The following PKP4 variants were observed in gnomAD, a reference collection of about 807,000 sequenced individuals.
PKP4 encodes plakophilin 4, also known as plakophilin-4.
A neutral mutation model predicts 145.1 loss-of-function variants in PKP4; 90 were observed. The observed-to-expected ratio is 0.62, with a 90% CI of 0.52 to 0.74. PKP4 has a LOEUF of 0.74. Ranked by LOEUF, PKP4 falls within the 30% of genes least tolerant of loss-of-function variation. The pLI is 0.00. For synonymous variants in PKP4, 563 were observed against 577.2 expected, an observed-to-expected ratio of 0.98 and a Z score of 0.35; for missense variants, 1,340 against 1,482.7, an observed-to-expected ratio of 0.90 and a Z score of 1.58.
chr2:158,670,318 A>T (rs2057447060), intron 17 of PKP4, among the ~76,000 whole-genome samples: 2 of 152,144 alleles, frequency 1.3e-5, no homozygotes, highest in South Asian at 4.1e-4. Flanking sequence ...TGGTTCATAG[A>T]TGGTGCCTTT....
chr2:158,615,729 C>T (rs1391867770), intron 4 of PKP4, among the ~76,000 whole-genome samples: 1 of 152,082 alleles, frequency 6.6e-6, no homozygotes, highest in African/African-American at 2.4e-5. Flanking sequence ...ACTATAGATT[C>T]GAATCCAGGC....
intron 1 of PKP4, among the ~76,000 whole-genome samples, chr2:158,460,968 G>T (rs374270660): frequency 1.3e-5 from 2 of 152,178 alleles, no homozygotes; most frequent in East Asian, 1.9e-4. Flanking sequence ...GAGAAAAGAA[G>T]GAAAACTTTT....
chr2:158,497,087 G>A (rs1695853635), intron 1 of PKP4, among the ~76,000 whole-genome samples: 1 of 152,088 alleles, frequency 6.6e-6, no homozygotes, highest in South Asian at 2.1e-4. Context: ...GGAACTTGAA[G>A]CAATTCAGCT....
intron 2 of PKP4, 138 bp from the exon 3 acceptor site, chr2:158,577,133 A>AT (rs1385880691): frequency 1.9e-6 from 1 of 522,346 alleles, no homozygotes; most frequent in East Asian, 3.2e-5. Context: ...TCATCCAAAA[A>AT]TTGCATTTCA....
intron 1 of PKP4, among the ~76,000 whole-genome samples, chr2:158,470,536 A>G (rs1691395931): frequency 6.6e-6 from 1 of 152,238 alleles, no homozygotes. Context: ...CAACAAGAAC[A>G]AAAAACACAA....
chr2:158,586,833 C>A (rs2048838554), intron 3 of PKP4, among the ~76,000 whole-genome samples: 1 of 152,162 alleles, frequency 6.6e-6, no homozygotes, highest in Non-Finnish European at 1.5e-5. Context: ...CTGGGACATA[C>A]AAATCCAAAT....
At chr2:158,640,872 G>A (rs2105930493) in intron 10 of PKP4, 113 bp downstream of exon 10, 1 of 1,150,176 alleles carries the variant, frequency 8.7e-7, no homozygotes, top group Admixed American at 2.0e-5. Context: ...CTTTTTAAAG[G>A]GATATTTTGA....
intron 4 of PKP4, among the ~76,000 whole-genome samples, chr2:158,615,041 T>C (rs2051464263): frequency 6.6e-6 from 1 of 152,026 alleles, no homozygotes; most frequent in African/African-American, 2.4e-5. Context: ...TGGAAAAATA[T>C]AGAAGATCTT....
rs755408505 is a variant in PKP4, at chr2:158,631,769, T to C, written c.1170T>C (p.Tyr390=). Residue 390 remains tyrosine, a synonymous_variant, in exon 8 of 22, where the codon TAT becomes TAC. Transcript: ENST00000389759. ...PDSLTGLRSS[Y]ASQHSQLGQD... ...TGCCTCTAGGCTTACGGAGTTCCTA[T>C]GCTAGTCAGCATAGTCAGCTTGGGC... 1.2e-6 allele frequency: 2 copies of C among 1,614,110 alleles called. No individual in the cohort carries two copies. Among genetic ancestry groups the C allele is most frequent in the Non-Finnish European group, 1.7e-6 (2 of 1,179,930 alleles).
At chr2:158,600,763 T>C (rs2050159742) in intron 3 of PKP4, among the ~76,000 whole-genome samples, 2 of 152,216 alleles carry the variant, frequency 1.3e-5, no homozygotes, top group South Asian at 4.1e-4. Flanking sequence ...GAATAGATGA[T>C]CTTCAGAGTA....
At position 158,550,964 on chromosome 2, in the gene PKP4, A is replaced by G. The variant is rs531553277; in HGVS notation, c.132+17648A>G. 3.9e-5 allele frequency among the ~76,000 whole-genome samples: 6 copies of G among 152,348 alleles called. No homozygotes were observed. In the South Asian group the frequency reaches 1.2e-3, roughly 32 times the overall value. The stretch of plus-strand genomic sequence containing the variant: ...GAAGACTACATTGCCTTGCTGTGTT[A>G]TTTATGTTTTTTAATATAAAATATG... On this transcript the variant is annotated intron_variant, in intron 2 of 21. Transcript: ENST00000389759.
chr2:158,468,184 C>A (rs75690826), intron 1 of PKP4, among the ~76,000 whole-genome samples: 30,260 of 152,216 alleles, frequency 0.2, 3,869 homozygotes, highest in Middle Eastern at 0.34. Flanking sequence ...TTTCTTTCTA[C>A]ATTATGCACT....
At chr2:158,663,202 G>A in intron 14 of PKP4, 70 bp from the exon 15 acceptor site, 5 of 1,543,552 alleles carry the variant, frequency 3.2e-6, no homozygotes, top group East Asian at 4.5e-5. Flanking sequence ...TCCCGCAAAG[G>A]TGAATGTTTT....
intron 21 of PKP4, 148 bp downstream of exon 21, chr2:158,678,802 G>C (rs1276970967): frequency 3.0e-6 from 2 of 674,542 alleles, no homozygotes; most frequent in African/African-American, 1.8e-5. Flanking sequence ...AACTCAACGT[G>C]TGGTTTAAGC....
intron 3 of PKP4, among the ~76,000 whole-genome samples, chr2:158,587,121 C>G (rs1474732236): frequency 6.6e-6 from 1 of 151,940 alleles, no homozygotes. Flanking sequence ...TTAGGAAGAA[C>G]CACAAAAAAG....
At chr2:158,482,753 T>A (rs1229134298) in intron 1 of PKP4, among the ~76,000 whole-genome samples, 1 of 151,840 alleles carries the variant, frequency 6.6e-6, no homozygotes. Flanking sequence ...GTAGGATTGC[T>A]TGGGCCTGGG....
chr2:158,652,956 G>A (rs1310070054), intron 11 of PKP4, among the ~76,000 whole-genome samples: 4 of 152,272 alleles, frequency 2.6e-5, no homozygotes, highest in Non-Finnish European at 5.9e-5. Flanking sequence ...GAAAGAGCAC[G>A]ACTAAAACCA....
Position 158,680,726 on chromosome 2 carries a change from T to C in PKP4, c.*49T>C, listed in dbSNP as rs780089347. 17 of 1,497,536 alleles carry C rather than the reference T, an allele frequency of 1.1e-5. No individual in the cohort carries two copies. Among genetic ancestry groups the C allele is most frequent in the Non-Finnish European group, 1.5e-5 (17 of 1,114,382 alleles). 92.8% of individuals were successfully genotyped at this position (1,497,536 alleles called of 1,614,324 possible). On this transcript the variant is annotated 3_prime_UTR_variant, in exon 22 of 22. Coordinates refer to ENST00000389759, the MANE Select transcript of PKP4 (RefSeq NM_003628.6). ...CTCTTTCTTTCTAACCTTGTTCAGA[T>C]TGAGGTGAAAAGTCCATCTTGCTGA...
At chr2:158,542,382 C>T (rs938826426) in intron 2 of PKP4, among the ~76,000 whole-genome samples, 1 of 152,060 alleles carries the variant, frequency 6.6e-6, no homozygotes, top group African/African-American at 2.4e-5. Context: ...ACATTCTAAG[C>T]TGATTGATTA....
Sources: allele counts gnomAD v4.1 joint callset (sites outside exome capture counted in the v4.1 genomes callset), GRCh38; gene constraint gnomAD v4.1.1; transcripts MANE v1.5; gene names NCBI Gene and HGNC (gene_info 2026-07-23, HGNC 2026-07-21).